The following GREB1 variants were observed in gnomAD, a reference collection of about 807,000 sequenced individuals.
GREB1 encodes the protein growth regulating estrogen receptor binding 1.
GREB1 carries 106 observed loss-of-function variants against 200.7 expected under a neutral mutation model. The observed-to-expected ratio is 0.53, with a 90% confidence interval of 0.45 to 0.62. GREB1 has a LOEUF of 0.62. GREB1 is among the 20% of genes least tolerant of loss of function. The pLI is 0.00. For missense variants in GREB1, 2,243 were observed against 2,556.8 expected, an observed-to-expected ratio of 0.88 and a Z score of 2.65; for synonymous variants, 1,132 against 1,092.4, an observed-to-expected ratio of 1.04 and a Z score of -0.72.
intron 15 of GREB1, among the ~76,000 whole-genome samples, chr2:11,599,323 C>G (rs929142154): frequency 2.6e-5 from 4 of 151,340 alleles, no homozygotes; most frequent in Non-Finnish European, 2.9e-5. Context: ...ACCACTGATG[C>G]CTGCCCTTCT....
chr2:11,504,246 G>T (rs1447422495), intron 1 of GREB1, among the ~76,000 whole-genome samples: 1 of 152,170 alleles, frequency 6.6e-6, no homozygotes, highest in Non-Finnish European at 1.5e-5. Context: ...GAGTGAGAAG[G>T]TGGGAGATTT....
chr2:11,621,480 T>TA (rs1684010779), intron 23 of GREB1, among the ~76,000 whole-genome samples: 1 of 152,160 alleles, frequency 6.6e-6, no homozygotes, highest in South Asian at 2.1e-4. Context: ...AAAATAGAAA[T>TA]ACATGAAATG....
At chr2:11,482,888 G>A (rs1672539433) in intron 1 of GREB1, among the ~76,000 whole-genome samples, 1 of 151,562 alleles carries the variant, frequency 6.6e-6, no homozygotes, top group African/African-American at 2.4e-5. Flanking sequence ...AGCTCAGCCT[G>A]TAGGCTGGGC....
intron 1 of GREB1, among the ~76,000 whole-genome samples, chr2:11,521,198 C>T (rs1673692248): frequency 6.6e-6 from 1 of 152,138 alleles, no homozygotes; most frequent in Admixed American, 6.5e-5. Context: ...GCCTTGACCT[C>T]CCTGGGCTCA....
At chr2:11,523,356 C>T (rs138809282) in intron 1 of GREB1, among the ~76,000 whole-genome samples, 1 of 152,208 alleles carries the variant, frequency 6.6e-6, no homozygotes, top group Non-Finnish European at 1.5e-5. Context: ...TATAACAAAC[C>T]TGCACACGCA....
At chr2:11,538,064 G>A (rs1028112758) in intron 1 of GREB1, among the ~76,000 whole-genome samples, 1 of 152,150 alleles carries the variant, frequency 6.6e-6, no homozygotes, top group African/African-American at 2.4e-5. Flanking sequence ...GGCACTCCAC[G>A]TACAGACCGC....
At chr2:11,635,549 T>C in intron 30 of GREB1, 144 bp downstream of exon 30, 1 of 843,182 alleles carries the variant, frequency 1.2e-6, no homozygotes, top group Non-Finnish European at 1.8e-6. Context: ...TCAGTAAAGG[T>C]TTTTAATCGG....
At chr2:11,498,577 G>A (rs1672948823) in intron 1 of GREB1, among the ~76,000 whole-genome samples, 1 of 152,196 alleles carries the variant, frequency 6.6e-6, no homozygotes, top group Admixed American at 6.5e-5. Context: ...AGTCAGAACT[G>A]GGGGGCAGTG....
chr2:11,505,405 C>G (rs1473058811), intron 1 of GREB1, among the ~76,000 whole-genome samples: 1 of 152,210 alleles, frequency 6.6e-6, no homozygotes, highest in Non-Finnish European at 1.5e-5. Context: ...TCCTGTCTCT[C>G]CAGCCACTGG....
intron 7 of GREB1, among the ~76,000 whole-genome samples, chr2:11,582,125 G>A (rs1679552694): frequency 6.6e-6 from 1 of 152,196 alleles, no homozygotes; most frequent in Admixed American, 6.5e-5. Context: ...GAGGATGCTG[G>A]GGATGCCACG....
Position 11,635,341 on chromosome 2 carries a change from G to T in GREB1, c.5282G>T (p.Arg1761Leu). ...SAGLLLCRFN[R>L]FSVMKKQIVV... ...GGCCTCCTGCTCTGCCGGTTCAACCGCTTCAGCGTGATGAAGAAGCAGATC... is the reference window on the plus strand; with the variant it reads ...GGCCTCCTGCTCTGCCGGTTCAACCTCTTCAGCGTGATGAAGAAGCAGATC... Residue 1761 changes from arginine to leucine, a missense_variant, in exon 30 of 33, where the codon CGC becomes CTC. Physicochemically the swap from Arg to Leu is moderately radical, Grantham distance 102. Around this residue, in one of 3 missense-constraint regions of GREB1, gnomAD observed 478 missense variants for 616.3 expected, o/e 0.78. Coordinates refer to ENST00000381486, the MANE Select transcript of GREB1 (RefSeq NM_014668.4). The T allele has an allele frequency of 6.2e-7, 1 of 1,614,108 alleles. No homozygotes were observed. Among genetic ancestry groups the T allele is most frequent in the Non-Finnish European group, 8.5e-7 (1 of 1,179,978 alleles).
intron 2 of GREB1, among the ~76,000 whole-genome samples, chr2:11,561,933 G>A (rs1438536477): frequency 6.6e-6 from 1 of 152,210 alleles, no homozygotes; most frequent in Admixed American, 6.5e-5. Context: ...CTAGCACATA[G>A]TTGAATAGCT....
intron 32 of GREB1, among the ~76,000 whole-genome samples, chr2:11,639,387 C>T (rs1685641601): frequency 6.6e-6 from 1 of 152,232 alleles, no homozygotes; most frequent in African/African-American, 2.4e-5. Context: ...CCGCACCAGC[C>T]ATGTGTGTTC....
chr2:11,639,461 A>G (rs540295333), intron 32 of GREB1, among the ~76,000 whole-genome samples: 35 of 152,278 alleles, frequency 2.3e-4, no homozygotes, highest in African/African-American at 8.2e-4. Context: ...CTCCTGGTAG[A>G]CGAGTCTTTC....
At chr2:11,515,843 C>T in intron 1 of GREB1, among the ~76,000 whole-genome samples, 1 of 152,200 alleles carries the variant, frequency 6.6e-6, no homozygotes, top group East Asian at 1.9e-4. Flanking sequence ...CTTCAGACTC[C>T]TAGGGGTAGA....
At position 11,642,284 on chromosome 2, in the gene GREB1, A is replaced by T. The variant is rs1345982376; in HGVS notation, c.*1830A>T. 2 of 150,110 alleles carry T rather than the reference A, an allele frequency of 1.3e-5. No individual in the cohort carries two copies. The highest frequency in any genetic ancestry group is 4.9e-5 in the African/African-American group (2 of 40,818). 9.3% of individuals were successfully genotyped at this position (150,110 alleles called of 1,614,324 possible). ...TGGGCGCCCACCACCATGCCCAGCT[A>T]ATTTTTGTATTTTTTTTTTTTAGTA... On this transcript the variant is annotated 3_prime_UTR_variant, in exon 33 of 33. Coordinates refer to ENST00000381486, the MANE Select transcript of GREB1 (RefSeq NM_014668.4).
rs1444364833 is a variant in GREB1, at chr2:11,580,470, G to A, written c.773-234G>A. On this transcript the variant is annotated intron_variant, in intron 6 of 32. Coordinates refer to ENST00000381486, the MANE Select transcript of GREB1 (RefSeq NM_014668.4). The surrounding 1 kb of genome is among the most constrained non-coding windows in gnomAD (Gnocchi z 4.5). The stretch of plus-strand genomic sequence containing the variant: ...TGTTTGTGCATGTGTATCCTTGTGT[G>A]TAGGCAGAAGTGTGTATGTGTGTAC... Among the ~76,000 whole-genome samples the A allele has an allele frequency of 6.6e-6, 1 of 152,190 alleles. No individual in the cohort carries two copies. Among genetic ancestry groups the A allele is most frequent in the Non-Finnish European group, 1.5e-5 (1 of 68,034 alleles).
intron 1 of GREB1, among the ~76,000 whole-genome samples, chr2:11,483,987 A>G (rs1672585117): frequency 6.6e-6 from 1 of 152,018 alleles, no homozygotes; most frequent in South Asian, 2.1e-4. Flanking sequence ...TTGAATAAAC[A>G]CTCTTTTATT....
chr2:11,535,605 G>C (rs1192645609), intron 1 of GREB1, among the ~76,000 whole-genome samples: 2 of 152,064 alleles, frequency 1.3e-5, no homozygotes, highest in East Asian at 3.9e-4. Flanking sequence ...ATAAATAATA[G>C]AGAAATAAGG....
Sources: allele counts gnomAD v4.1 joint callset (sites outside exome capture counted in the v4.1 genomes callset), GRCh38; gene constraint gnomAD v4.1.1; regional missense constraint gnomAD v4.1.1; non-coding constraint Gnocchi (gnomAD v3.1); transcripts MANE v1.5; gene names NCBI Gene and HGNC (gene_info 2026-07-23, HGNC 2026-07-21).